The following TYRO3 variants were observed in gnomAD, a reference collection of about 807,000 sequenced individuals.
TYRO3 encodes the protein TYRO3 protein tyrosine kinase, also known as tyrosine-protein kinase receptor TYRO3.
TYRO3 carries 38 observed loss-of-function variants against 95.2 expected under a neutral mutation model. The ratio of observed to expected loss-of-function variants is 0.40; its 90% CI spans 0.31 to 0.52. The LOEUF (loss-of-function observed/expected upper bound fraction) is 0.52. Among genes scored for constraint, TYRO3 ranks in the 20% least tolerant of loss-of-function variants. The pLI is 0.56. For missense variants in TYRO3, 812 were observed against 1,116.4 expected (o/e 0.73, Z 3.89); for synonymous variants, 367 against 432.9 (o/e 0.85, Z 1.89).
chr15:41,571,028 T>G lies in TYRO3; in HGVS notation c.1580-10T>G. The G allele has an allele frequency of 6.2e-7, 1 of 1,613,770 alleles. No individual in the cohort carries two copies. The highest frequency in any genetic ancestry group is 8.5e-7 in the Non-Finnish European group (1 of 1,179,786). On this transcript the variant is annotated splice_polypyrimidine_tract_variant and intron_variant, in intron 12 of 18. Transcript: ENST00000263798. The stretch of plus-strand genomic sequence containing the variant: ...CAAGGAGACTCTCCCTTACTTGGAT[T>G]GGTTCCTAGGAGAGTTTGGTTCAGT...
At chr15:41,567,586 G>C in intron 7 of TYRO3, 49 bp downstream of exon 7, 1 of 1,406,844 alleles carries the variant, frequency 7.1e-7, no homozygotes, top group Non-Finnish European at 9.3e-7. Flanking sequence ...GAGCCGGGAA[G>C]GGGGCCGTGT....
At chr15:41,576,104 C>A (rs1454802162) in intron 18 of TYRO3, among the ~76,000 whole-genome samples, 93 of 102,050 alleles carry the variant, frequency 9.1e-4, no homozygotes, top group East Asian at 4.1e-3. Context: ...AACTCCATCT[C>A]AAAAAAAAAA....
At chr15:41,566,891 T>C (rs1016671646) in intron 6 of TYRO3, among the ~76,000 whole-genome samples, 4 of 152,238 alleles carry the variant, frequency 2.6e-5, no homozygotes, top group Non-Finnish European at 4.4e-5. Context: ...CTCTTTGTAC[T>C]CTTGCCCTGG....
Position 41,578,434 on chromosome 15 carries a change from C to T in TYRO3, c.*158C>T. 3.1e-6 allele frequency: 3 copies of T among 967,280 alleles called. No individual in the cohort carries two copies. Among genetic ancestry groups the T allele is most frequent in the Non-Finnish European group, 1.5e-6 (1 of 671,180 alleles). The allele number at this position is 967,280 out of a possible 1,614,324, so 59.9% of individuals were successfully genotyped here. On this transcript the variant is annotated 3_prime_UTR_variant, in exon 19 of 19. Transcript: ENST00000263798. Reference sequence around the variant, plus strand: ...GGGAAGCCCGGACTGACCAAATCACCCAATCCCAGTTCTTCCTGCAACCAC... The same window carrying T: ...GGGAAGCCCGGACTGACCAAATCACTCAATCCCAGTTCTTCCTGCAACCAC...
rs1429696602 is a variant in TYRO3, at chr15:41,568,385, C to T, written c.1107+23C>T. 5 of 1,606,958 alleles carry T rather than the reference C, an allele frequency of 3.1e-6. No individual in the cohort carries two copies. In the Admixed American group the frequency reaches 5.1e-5, roughly 16 times the overall value. On this transcript the variant is annotated intron_variant, in intron 8 of 18. Transcript: ENST00000263798. Reference sequence around the variant, plus strand: ...CAGGTAAGACAGAACCCTCCCCTCTCTCCACTCTCCTGGAGTATAAGCCTT... The same window carrying T: ...CAGGTAAGACAGAACCCTCCCCTCTTTCCACTCTCCTGGAGTATAAGCCTT...
chr15:41,566,819 CTATT>C (rs1047872012), intron 6 of TYRO3, among the ~76,000 whole-genome samples: 3 of 152,158 alleles, frequency 2.0e-5, no homozygotes, highest in African/African-American at 7.2e-5. Flanking sequence ...AAGAGAGAAA[CTATT>C]TAATAGTTTG....
intron 4 of TYRO3, 145 bp from the exon 5 acceptor site, chr15:41,564,039 T>C: frequency 1.4e-6 from 1 of 720,154 alleles, no homozygotes; most frequent in East Asian, 2.6e-5. Context: ...TCCCTGTTCA[T>C]TTCACCGTAC....
intron 13 of TYRO3, 94 bp from the exon 14 acceptor site, chr15:41,571,501 C>A (rs2055794863): frequency 1.1e-6 from 1 of 875,956 alleles, no homozygotes; most frequent in Non-Finnish European, 1.9e-6. Flanking sequence ...CCCTGGGAAG[C>A]CTAGGACATC....
In TYRO3 at chr15:41,571,331, G is replaced by A. The variant is rs1377871982; in HGVS notation, c.1660+213G>A. The stretch of plus-strand genomic sequence containing the variant: ...TTGCTCTCTGCCATCGGCAGTGACT[G>A]TCCTCTGAGTCCCCTCTTGGGTGAT... On this transcript the variant is annotated intron_variant, in intron 13 of 18. Transcript: ENST00000263798. 2.0e-5 allele frequency among the ~76,000 whole-genome samples: 3 copies of A among 152,350 alleles called. No individual in the cohort carries two copies. In the East Asian group the frequency reaches 5.8e-4, roughly 29 times the overall value.
chr15:41,572,807 G>C (rs550751818), intron 15 of TYRO3, among the ~76,000 whole-genome samples, 195 bp from the exon 16 acceptor site: 2 of 152,330 alleles, frequency 1.3e-5, no homozygotes, highest in South Asian at 4.1e-4. Flanking sequence ...GGAGCCCCAG[G>C]GTGGGGGAGT....
chr15:41,577,901 C>T lies in TYRO3; in HGVS notation c.2298C>T (p.Tyr766=), dbSNP rs1236713759. 4 of 1,612,206 alleles carry T rather than the reference C, an allele frequency of 2.5e-6. No homozygotes were observed. Among genetic ancestry groups the T allele is most frequent in the Non-Finnish European group, 3.4e-6 (4 of 1,179,976 alleles). ...TCCACCCCAGGTATGATCTCATGTA[C>T]CAGTGCTGGAGTGCTGACCCCAAGC... ...ECMEDVYDLM[Y]QCWSADPKQR... The change falls in exon 19 of 19, where the codon TAC becomes TAT. Residue 766 remains tyrosine (Y), a synonymous_variant. Coordinates refer to ENST00000263798, the MANE Select transcript of TYRO3 (RefSeq NM_006293.4).
In TYRO3 at chr15:41,582,995, G is replaced by GTTTTTTTTTTTTTTTTTTTTTTT; in HGVS notation, c.*4720_*4721insTTTTTTTTTTTTTTTTTTTTTTT. The GTTTTTTTTTTTTTTTTTTTTTTT allele has an allele frequency of 1.2e-5, 1 of 86,920 alleles. No homozygotes were observed. 5.4% of individuals were successfully genotyped at this position (86,920 alleles called of 1,614,324 possible). ...GCCACTGCACCTGGCAAATTTTTAA[G>GTTTTTTTTTTTTTTTTTTTTTTT]TGTTTTTTTTTTTTTTTAATACAGA... On this transcript the variant is annotated 3_prime_UTR_variant, in exon 19 of 19. Transcript: ENST00000263798.
chr15:41,564,662 A>G, intron 5 of TYRO3: 4 of 362,718 alleles, frequency 1.1e-5, no homozygotes, highest in African/African-American at 2.1e-5. Flanking sequence ...AGAGAGGGGG[A>G]GGGAGAGGGT....
At chr15:41,563,573 C>T (rs1373075103) in intron 4 of TYRO3, among the ~76,000 whole-genome samples, 1 of 152,132 alleles carries the variant, frequency 6.6e-6, no homozygotes, top group East Asian at 1.9e-4. Flanking sequence ...GGTTCACTTC[C>T]TTCCAGGTGT....
At position 41,570,007 on chromosome 15, in the gene TYRO3, A is replaced by G. The variant is rs1325474990; in HGVS notation, c.1253-20A>G. On this transcript the variant is annotated intron_variant, in intron 9 of 18. Coordinates refer to ENST00000263798, the MANE Select transcript of TYRO3 (RefSeq NM_006293.4). ...TCATGGTGTCATCCTAGCTCATGCC[A>G]CTGCACCTCCCTCCCACAGGCCAGC... 3.1e-6 allele frequency: 5 copies of G among 1,595,726 alleles called. No individual in the cohort carries two copies.
Position 41,573,456 on chromosome 15 carries a change from C to A in TYRO3, c.2134C>A (p.Gln712Lys). The change falls in exon 17 of 19, where the codon CAG becomes AAG. Residue 712 changes from glutamine to lysine, a missense_variant. By Grantham distance (53) the Gln-to-Lys change is moderately conservative. Transcript: ENST00000263798. ...ESLADNLYTV[Q>K]SDVWAFGVTM... ...CCTGGCCGACAACCTGTATACTGTG[C>A]AGAGTGACGTGGTGAGCAGGGTGGC... The A allele has an allele frequency of 6.2e-7, 1 of 1,614,232 alleles. No individual in the cohort carries two copies. The highest frequency in any genetic ancestry group is 8.5e-7 in the Non-Finnish European group (1 of 1,180,042).
chr15:41,569,901 C>T, intron 9 of TYRO3, 126 bp from the exon 10 acceptor site: 1 of 1,253,428 alleles, frequency 8.0e-7, no homozygotes, highest in Non-Finnish European at 1.1e-6. Flanking sequence ...TCTGGAGCCC[C>T]TTTCCCTCAG....
Position 41,578,368 on chromosome 15 carries a change from A to G in TYRO3, c.*92A>G. On this transcript the variant is annotated 3_prime_UTR_variant, in exon 19 of 19. Transcript: ENST00000263798. The stretch of plus-strand genomic sequence containing the variant: ...CCCGTCTGACCCCAGCCCAGACAGC[A>G]AGGTGTGGAGGCTCCTGTGGTAGTC... 6.6e-7 allele frequency: 1 copy of G among 1,514,078 alleles called. No homozygotes were observed. The highest frequency in any genetic ancestry group is 1.9e-5 in the Admixed American group (1 of 53,840). The allele number at this position is 1,514,078 out of a possible 1,614,324, so 93.8% of individuals were successfully genotyped here. A position where few individuals can be genotyped will look rare whatever the true frequency, so the allele number is the denominator to read the frequency against.
chr15:41,564,929 C>T, intron 5 of TYRO3, 97 bp from the exon 6 acceptor site: 1 of 796,086 alleles, frequency 1.3e-6, no homozygotes. Flanking sequence ...TTGGGGATGC[C>T]CTGGACCCTC....
Sources: gnomAD v4.1 joint callset for allele counts (sites outside exome capture counted in the v4.1 genomes callset) on GRCh38, gnomAD v4.1.1 for gene constraint, MANE v1.5 for transcripts, NCBI Gene and HGNC (gene_info 2026-07-23, HGNC 2026-07-21) for gene names.